Variants in ADAM32 observed in about 807,000 individuals in gnomAD.
ADAM32 encodes the protein disintegrin and metalloproteinase domain-containing protein 32.
Under a neutral mutation model 114.9 loss-of-function variants are expected in ADAM32, and 89 were observed. That is an observed-to-expected ratio of 0.77 (90% CI 0.65 to 0.92). ADAM32 has a LOEUF of 0.92. Ranked by LOEUF, ADAM32 falls within the 40% of genes least tolerant of loss-of-function variation. The pLI is 0.00. For synonymous variants in ADAM32, 285 were observed against 307.5 expected, an observed-to-expected ratio of 0.93 and a Z score of 0.77; for missense variants, 870 against 932.8, an observed-to-expected ratio of 0.93 and a Z score of 0.88.
chr8:39,116,236 A>G (rs1204212138), intron 1 of ADAM32, among the ~76,000 whole-genome samples: 1 of 152,180 alleles, frequency 6.6e-6, no homozygotes, highest in East Asian at 1.9e-4. Flanking sequence ...ATGGTTCCAT[A>G]TGAATTTTAG....
intron 10 of ADAM32, among the ~76,000 whole-genome samples, chr8:39,182,805 C>A (rs1386818263): frequency 1.3e-5 from 2 of 152,184 alleles, no homozygotes; most frequent in Non-Finnish European, 2.9e-5. Flanking sequence ...TGTCCCTATG[C>A]ATTTGAGGAG....
chr8:39,167,673 A>G (rs1804928574), intron 9 of ADAM32: 1 of 152,310 alleles, frequency 6.6e-6, no homozygotes, highest in African/African-American at 2.4e-5. Flanking sequence ...ATCCATGAGC[A>G]TGGGATGTGT....
At chr8:39,149,429 ACT>A (rs928070663) in intron 4 of ADAM32, among the ~76,000 whole-genome samples, 4 of 151,806 alleles carry the variant, frequency 2.6e-5, no homozygotes, top group Non-Finnish European at 5.9e-5. Context: ...CATTTTTATG[ACT>A]CTTTTTTAGC....
chr8:39,135,661 C>T (rs1802756068), intron 2 of ADAM32, among the ~76,000 whole-genome samples: 1 of 152,192 alleles, frequency 6.6e-6, no homozygotes, highest in African/African-American at 2.4e-5. Flanking sequence ...AGCATGCCCC[C>T]TCCCAGGCTC....
intron 1 of ADAM32, among the ~76,000 whole-genome samples, chr8:39,115,491 C>T (rs1203663784): frequency 6.6e-6 from 1 of 151,840 alleles, no homozygotes; most frequent in Non-Finnish European, 1.5e-5. Context: ...GTTGTTTTGA[C>T]TTTCATTTTT....
chr8:39,141,823 C>T (rs1269966150), intron 3 of ADAM32, among the ~76,000 whole-genome samples: 1 of 152,102 alleles, frequency 6.6e-6, no homozygotes, highest in African/African-American at 2.4e-5. Flanking sequence ...GTGTGGGAGT[C>T]TAAGTCTCTT....
chr8:39,270,954 A>C, intron 20 of ADAM32, 40 bp downstream of exon 20: 1 of 1,562,594 alleles, frequency 6.4e-7, no homozygotes, highest in Non-Finnish European at 8.7e-7. Flanking sequence ...ACATGTTGAA[A>C]ATTAAGAGTT....
intron 19 of ADAM32, among the ~76,000 whole-genome samples, chr8:39,261,261 T>C (rs771245527): frequency 3.9e-5 from 6 of 152,154 alleles, no homozygotes; most frequent in Non-Finnish European, 5.9e-5. Context: ...CTATTCTACA[T>C]TTTACTTCTG....
At chr8:39,223,891 C>T (rs1431624194) in intron 14 of ADAM32, 4 of 152,016 alleles carry the variant, frequency 2.6e-5, no homozygotes, top group Admixed American at 6.6e-5. Context: ...TGAGATCATG[C>T]GTTATTTACC....
intron 11 of ADAM32, among the ~76,000 whole-genome samples, chr8:39,191,044 G>T (rs1046246144): frequency 6.8e-6 from 1 of 146,184 alleles, no homozygotes; most frequent in Non-Finnish European, 1.6e-5. Context: ...TAAAGATAAT[G>T]GCCTCCAGCT....
In ADAM32 at chr8:39,257,318, A is replaced by T. The variant is rs1287964438; in HGVS notation, c.2137A>T (p.Lys713Ter). 2 of 1,613,238 alleles carry T rather than the reference A, an allele frequency of 1.2e-6. No individual in the cohort carries two copies. Among genetic ancestry groups the T allele is most frequent in the African/African-American group, 1.3e-5 (1 of 74,896 alleles). ...GAAACAGTTGAAAAAGTGGTTCGCC[A>T]AGGAAGAGGAATTCCCAAGTAGCGA... ...ARKQLKKWFA[K>*]EEEFPSSESK... is the part of the protein sequence containing the mutation. Residue 713 changes from lysine to a stop codon, truncating the protein, a stop_gained, in exon 19 of 25, where the codon AAG (lysine) becomes TAG (stop). Coordinates refer to ENST00000379907, the MANE Select transcript of ADAM32 (RefSeq NM_145004.7). LOFTEE classifies it high-confidence loss of function.
At chr8:39,177,188 T>C (rs1285637173) in intron 10 of ADAM32, among the ~76,000 whole-genome samples, 1 of 152,032 alleles carries the variant, frequency 6.6e-6, no homozygotes, top group Non-Finnish European at 1.5e-5. Context: ...GCCTCCCAAG[T>C]AGCTGGGATT....
intron 13 of ADAM32, among the ~76,000 whole-genome samples, chr8:39,222,670 C>A (rs191065375): frequency 6.6e-6 from 1 of 152,026 alleles, no homozygotes; most frequent in Admixed American, 6.5e-5. Context: ...CACTTAAAAA[C>A]CATGGCTTGA....
intron 12 of ADAM32, among the ~76,000 whole-genome samples, chr8:39,213,926 T>G (rs1456618590): frequency 6.6e-6 from 1 of 152,176 alleles, no homozygotes; most frequent in Non-Finnish European, 1.5e-5. Context: ...CACAAATAAG[T>G]GGGAACATGC....
At chr8:39,179,403 G>A (rs4733987) in intron 10 of ADAM32, among the ~76,000 whole-genome samples, 150,882 of 152,292 alleles carry the variant, frequency 0.99, 74,755 homozygotes, top group Middle Eastern at 1. Context: ...GAACAACACT[G>A]CTTGGCTCCC....
intron 11 of ADAM32, among the ~76,000 whole-genome samples, chr8:39,203,493 C>T (rs1807586875): frequency 1.3e-5 from 2 of 152,118 alleles, no homozygotes; most frequent in Admixed American, 1.3e-4. Context: ...GGTAGATCGT[C>T]CTCCATCCCT....
chr8:39,253,302 A>T (rs1424930316), intron 17 of ADAM32, among the ~76,000 whole-genome samples: 1 of 151,652 alleles, frequency 6.6e-6, no homozygotes, highest in Admixed American at 6.6e-5. Flanking sequence ...ACATGTAAAA[A>T]TCCATAGCTA....
At chr8:39,216,017 A>T (rs1219467265) in intron 12 of ADAM32, among the ~76,000 whole-genome samples, 1 of 151,972 alleles carries the variant, frequency 6.6e-6, no homozygotes, top group Non-Finnish European at 1.5e-5. Flanking sequence ...TCCAGCTGTT[A>T]TTGTATTGGG....
At chr8:39,158,964 TGA>T (rs1804328105) in intron 6 of ADAM32, among the ~76,000 whole-genome samples, 1 of 152,194 alleles carries the variant, frequency 6.6e-6, no homozygotes, top group South Asian at 2.1e-4. Flanking sequence ...CATAGCTTTT[TGA>T]ACATATTTTA....
Sources: gnomAD v4.1 joint callset for allele counts (sites outside exome capture counted in the v4.1 genomes callset) on GRCh38, gnomAD v4.1.1 for gene constraint, MANE v1.5 for transcripts, NCBI Gene and HGNC (gene_info 2026-07-23, HGNC 2026-07-21) for gene names.